Variants in ZSCAN25 observed in about 807,000 individuals in gnomAD.
ZSCAN25 encodes zinc finger and SCAN domain-containing protein 25.
A neutral mutation model predicts 38.7 loss-of-function variants in ZSCAN25; 27 were observed. That is an observed-to-expected ratio of 0.70 (90% CI 0.51 to 0.96). ZSCAN25 has a LOEUF of 0.96. Ranked by LOEUF, ZSCAN25 falls within the 40% of genes least tolerant of loss-of-function variation. The pLI is 0.00. For missense variants in ZSCAN25, 637 were observed against 705.9 expected, an observed-to-expected ratio of 0.90 and a Z score of 1.11; for synonymous variants, 273 against 277.7, an observed-to-expected ratio of 0.98 and a Z score of 0.17.
At chr7:99,635,860 A>G (rs1245048933), downstream of ZSCAN25, among the ~76,000 whole-genome samples, 15 of 152,044 alleles carry the variant, frequency 9.9e-5, no homozygotes, top group Non-Finnish European at 2.2e-4. Context: ...ATCCTGGATA[A>G]CATGGTGAAA....
At position 99,622,556 on chromosome 7, in the gene ZSCAN25, T is replaced by C. The variant is rs561392037; in HGVS notation, c.597T>C (p.Pro199=). The C allele has an allele frequency of 4.3e-6, 7 of 1,614,214 alleles. No individual in the cohort carries two copies. The African/African-American group carries it at 8.0e-5, about 18-fold the overall frequency. ...ETRAFQEQAL[P]VLQAGPGLPA... ...CTTTTTGTCCCTGCTCAGCACTACC[T>C]GTTCTGCAGGCGGGTCCTGGCCTCC... Residue 199 remains proline, a synonymous_variant, in exon 6 of 8, where the codon CCT becomes CCC. Transcript: ENST00000394152.
the ZSCAN25 span, among the ~76,000 whole-genome samples, chr7:99,669,863 G>A: frequency 7.9e-5 from 12 of 152,286 alleles, no homozygotes; most frequent in East Asian, 2.3e-3. Context: ...CTGCCCTGGC[G>A]ATGGTAGGTA....
At chr7:99,692,481 G>T in the ZSCAN25 span, among the ~76,000 whole-genome samples, 1 of 152,188 alleles carries the variant, frequency 6.6e-6, no homozygotes. Flanking sequence ...ATAATATCCT[G>T]AAGAGTGTTT....
chr7:99,679,724 C>G, the ZSCAN25 span: 1 of 1,135,524 alleles, frequency 8.8e-7, no homozygotes, highest in Non-Finnish European at 1.3e-6. Context: ...GCTACTTCTC[C>G]TTGAACATCT....
the ZSCAN25 span, among the ~76,000 whole-genome samples, chr7:99,721,561 G>A: frequency 1.3e-3 from 202 of 152,330 alleles, no homozygotes; most frequent in Non-Finnish European, 2.2e-3. Context: ...TGGACAGAAC[G>A]TGATGCTGGG....
the ZSCAN25 span, among the ~76,000 whole-genome samples, chr7:99,656,442 T>G: frequency 6.6e-6 from 1 of 152,214 alleles, no homozygotes; most frequent in African/African-American, 2.4e-5. Flanking sequence ...CACTTGATCA[T>G]GGTGGATAAG....
the ZSCAN25 span, among the ~76,000 whole-genome samples, chr7:99,702,626 A>G: frequency 2.0e-5 from 3 of 152,214 alleles, no homozygotes; most frequent in Non-Finnish European, 4.4e-5. Flanking sequence ...TTATACAAAC[A>G]CCATACTGTT....
the ZSCAN25 span, chr7:99,685,265 G>A: frequency 1.2e-6 from 2 of 1,612,452 alleles, no homozygotes; most frequent in African/African-American, 1.3e-5. Context: ...ATATTGAGAA[G>A]CATTAAATAA....
At chr7:99,733,115 A>G in the ZSCAN25 span, among the ~76,000 whole-genome samples, 960 of 152,330 alleles carry the variant, frequency 6.3e-3, 6 homozygotes, top group African/African-American at 0.022. Context: ...AGTTAGTGGA[A>G]GTGTGTGCAC....
downstream of ZSCAN25, among the ~76,000 whole-genome samples, chr7:99,633,357 G>A (rs927359316): frequency 6.6e-6 from 1 of 152,128 alleles, no homozygotes; most frequent in Non-Finnish European, 1.5e-5. Flanking sequence ...CGTTAGTTCT[G>A]TAAATGCTTC....
the ZSCAN25 span, among the ~76,000 whole-genome samples, chr7:99,669,608 G>C: frequency 5.3e-5 from 8 of 152,182 alleles, no homozygotes. Context: ...CGTTTGGAGA[G>C]TAAAACTGCT....
the ZSCAN25 span, chr7:99,720,198 G>A: frequency 7.6e-7 from 1 of 1,313,454 alleles, no homozygotes; most frequent in Non-Finnish European, 1.1e-6. Flanking sequence ...AGGATGAAGT[G>A]TACATGGAAC....
the ZSCAN25 span, among the ~76,000 whole-genome samples, chr7:99,684,585 C>A: frequency 6.6e-6 from 1 of 152,192 alleles, no homozygotes; most frequent in Non-Finnish European, 1.5e-5. Flanking sequence ...CCCACACCAA[C>A]AATGGTTACA....
the ZSCAN25 span, chr7:99,679,990 G>T: frequency 1.9e-6 from 2 of 1,073,520 alleles, no homozygotes; most frequent in Non-Finnish European, 2.9e-6. Flanking sequence ...TCCCTGCCCT[G>T]CACAGCAGTC....
the ZSCAN25 span, chr7:99,664,182 A>C: frequency 9.9e-6 from 11 of 1,111,826 alleles, no homozygotes; most frequent in African/African-American, 1.8e-4. Flanking sequence ...ACCAGTAATA[A>C]GAATAAGAAC....
the ZSCAN25 span, chr7:99,660,481 C>T: frequency 6.3e-7 from 1 of 1,593,856 alleles, no homozygotes; most frequent in Non-Finnish European, 8.5e-7. Context: ...CCTTCATCTC[C>T]AGGGGTCATC....
At chr7:99,734,239 C>G in the ZSCAN25 span, among the ~76,000 whole-genome samples, 1 of 152,214 alleles carries the variant, frequency 6.6e-6, no homozygotes, top group East Asian at 1.9e-4. Context: ...TGATTCCTTA[C>G]TCTTAATAAC....
the ZSCAN25 span, among the ~76,000 whole-genome samples, chr7:99,727,257 A>T: frequency 2.0e-5 from 3 of 152,170 alleles, no homozygotes; most frequent in Admixed American, 2.0e-4. Flanking sequence ...ACTTGACCTT[A>T]CTGTTTTAGG....
the ZSCAN25 span, among the ~76,000 whole-genome samples, chr7:99,724,897 C>T: frequency 1.3e-5 from 2 of 152,064 alleles, no homozygotes; most frequent in African/African-American, 4.8e-5. Flanking sequence ...ACTGAAATGT[C>T]ATCCTGACCT....
Sources: allele counts gnomAD v4.1 joint callset (sites outside exome capture counted in the v4.1 genomes callset), GRCh38; gene constraint gnomAD v4.1.1; transcripts MANE v1.5; gene names NCBI Gene and HGNC (gene_info 2026-07-23, HGNC 2026-07-21).